Variants in USP15 observed in about 807,000 individuals in gnomAD.
The protein encoded by USP15 is ubiquitin carboxyl-terminal hydrolase 15.
A neutral mutation model predicts 127.1 loss-of-function variants in USP15; 18 were observed. The ratio of observed to expected loss-of-function variants is 0.14; its 90% CI spans 0.10 to 0.21. The LOEUF (loss-of-function observed/expected upper bound fraction) is 0.21, where lower values mean the gene tolerates loss of function less well. Ranked by LOEUF, USP15 falls within the 10% of genes least tolerant of loss-of-function variation. USP15 has a pLI of 1.00. For missense variants in USP15, 805 were observed against 1,159.9 expected (o/e 0.69, Z 4.44); for synonymous variants, 364 against 393.7 (o/e 0.92, Z 0.89).
chr12:62,363,699 T>C (rs1013863277), intron 8 of USP15, among the ~76,000 whole-genome samples: 4 of 151,860 alleles, frequency 2.6e-5, no homozygotes, highest in Non-Finnish European at 4.4e-5. Flanking sequence ...CACCCCGTGC[T>C]CTCTCTCTCC....
intron 1 of USP15, among the ~76,000 whole-genome samples, chr12:62,269,915 G>A (rs1181068225): frequency 1.3e-5 from 2 of 152,090 alleles, no homozygotes; most frequent in Non-Finnish European, 2.9e-5. Flanking sequence ...ATACCTGTAA[G>A]TGGAATTGCT....
intron 1 of USP15, chr12:62,279,277 A>C (rs969548160): frequency 1.2e-4 from 18 of 152,074 alleles, no homozygotes; most frequent in African/African-American, 4.1e-4. Flanking sequence ...CATTTACTTC[A>C]TTTAGCATAG....
At chr12:62,300,974 T>C (rs190994370) in intron 2 of USP15, among the ~76,000 whole-genome samples, 5 of 152,110 alleles carry the variant, frequency 3.3e-5, no homozygotes, top group Admixed American at 1.3e-4. Context: ...TTTACAATCA[T>C]GTAGCAGATA....
At chr12:62,397,193 T>G (rs1406756622) in intron 20 of USP15, among the ~76,000 whole-genome samples, 1 of 152,206 alleles carries the variant, frequency 6.6e-6, no homozygotes, top group Non-Finnish European at 1.5e-5. Context: ...AGTGAAATGG[T>G]TTTGTAAGTT....
intron 6 of USP15, among the ~76,000 whole-genome samples, chr12:62,340,844 A>G (rs1039509316): frequency 1.4e-5 from 2 of 142,996 alleles, no homozygotes; most frequent in African/African-American, 2.8e-5. Flanking sequence ...AGAAGAATGT[A>G]TATTCTGTTG....
intron 8 of USP15, among the ~76,000 whole-genome samples, chr12:62,358,892 G>GA (rs910587834): frequency 3.3e-4 from 50 of 152,168 alleles, no homozygotes; most frequent in South Asian, 4.1e-4. Flanking sequence ...TTTATATCAA[G>GA]AACTTGAGCA....
intron 19 of USP15, chr12:62,393,888 A>G (rs1298719576): frequency 6.6e-6 from 1 of 152,184 alleles, no homozygotes; most frequent in Non-Finnish European, 1.5e-5. Context: ...AGCCCTAAAT[A>G]TGCTGTTTTC....
intron 6 of USP15, among the ~76,000 whole-genome samples, chr12:62,342,202 A>G (rs1326142035): frequency 3.3e-5 from 5 of 151,478 alleles, no homozygotes; most frequent in Admixed American, 6.6e-5. Flanking sequence ...TGATCGATTG[A>G]GCTATTGATA....
rs572932301 is a variant in USP15 at position 62,409,564 on chromosome 12, A to G, written c.*5189A>G. On this transcript the variant is annotated 3_prime_UTR_variant, in exon 22 of 22. Coordinates refer to ENST00000280377, the MANE Select transcript of USP15 (RefSeq NM_001252078.2). ...AATTAAAGTTGGTGCTCGTGTTGCT[A>G]AAGTTTTTTTTCTCATGTCAGGAAC... 1 of 152,266 alleles carries G rather than the reference A, an allele frequency of 6.6e-6. No individual in the cohort carries two copies. The highest frequency in any genetic ancestry group is 1.9e-4 in the East Asian group (1 of 5,190). 9.4% of individuals were successfully genotyped at this position (152,266 alleles called of 1,614,324 possible).
At chr12:62,399,065 C>T (rs534311741) in intron 20 of USP15, among the ~76,000 whole-genome samples, 2 of 152,150 alleles carry the variant, frequency 1.3e-5, no homozygotes, top group South Asian at 4.2e-4. Flanking sequence ...ATTTAATTTA[C>T]AAACTCTGTG....
chr12:62,266,433 G>C (rs1252659987), intron 1 of USP15, among the ~76,000 whole-genome samples: 1 of 152,050 alleles, frequency 6.6e-6, no homozygotes, highest in Non-Finnish European at 1.5e-5. Context: ...TTTTTCCCTA[G>C]AGATAACTCT....
chr12:62,325,837 T>C (rs370046541), intron 5 of USP15, 35 bp from the exon 6 acceptor site: 13 of 1,564,356 alleles, frequency 8.3e-6, no homozygotes, highest in Non-Finnish European at 8.7e-6. Flanking sequence ...TTCAGAGTTA[T>C]GGAAAAACAC....
intron 2 of USP15, among the ~76,000 whole-genome samples, chr12:62,302,228 T>C (rs1479048579): frequency 6.6e-6 from 1 of 152,194 alleles, no homozygotes; most frequent in African/African-American, 2.4e-5. Flanking sequence ...GTTGTTGATT[T>C]GCTTCTGAAT....
intron 3 of USP15, chr12:62,304,694 C>T (rs892497559): frequency 2.2e-5 from 10 of 450,394 alleles, no homozygotes; most frequent in South Asian, 3.1e-5. Flanking sequence ...AAAGAATGGA[C>T]GAAAAGAAAG....
At chr12:62,277,283 G>A (rs185983179) in intron 1 of USP15, among the ~76,000 whole-genome samples, 1 of 152,212 alleles carries the variant, frequency 6.6e-6, no homozygotes, top group East Asian at 1.9e-4. Flanking sequence ...TTCAACACAT[G>A]TAAAGCTGTG....
chr12:62,376,261 A>T (rs925207873), intron 8 of USP15, among the ~76,000 whole-genome samples: 1 of 152,014 alleles, frequency 6.6e-6, no homozygotes, highest in Non-Finnish European at 1.5e-5. Context: ...GTTAATATAA[A>T]TTTTTTTCTT....
At chr12:62,281,887 A>G (rs2137095487) in intron 1 of USP15, among the ~76,000 whole-genome samples, 1 of 152,336 alleles carries the variant, frequency 6.6e-6, no homozygotes, top group Admixed American at 6.5e-5. Flanking sequence ...ATGACATTAT[A>G]GAAGGTTTAC....
intron 3 of USP15, among the ~76,000 whole-genome samples, chr12:62,303,995 GTC>G (rs1322510304): frequency 1.3e-5 from 2 of 151,172 alleles, no homozygotes; most frequent in Non-Finnish European, 2.9e-5. Context: ...CTGTAAAACT[GTC>G]TAGAATTATT....
intron 8 of USP15, among the ~76,000 whole-genome samples, chr12:62,361,938 CA>C (rs2066331514): frequency 6.6e-6 from 1 of 151,932 alleles, no homozygotes; most frequent in Admixed American, 6.6e-5. Flanking sequence ...CATATAAACC[CA>C]TATTAAAACA....
Sources: allele counts gnomAD v4.1 joint callset (sites outside exome capture counted in the v4.1 genomes callset), GRCh38; gene constraint gnomAD v4.1.1; transcripts MANE v1.5; gene names NCBI Gene and HGNC (gene_info 2026-07-23, HGNC 2026-07-21).